The following PLEKHA1 variants were observed in gnomAD, a reference collection of about 807,000 sequenced individuals.
The protein encoded by PLEKHA1 is pleckstrin homology domain-containing family A member 1.
Under a neutral mutation model 52.0 loss-of-function variants are expected in PLEKHA1, and 34 were observed. The ratio of observed to expected loss-of-function variants is 0.65; its 90% confidence interval spans 0.50 to 0.87. The LOEUF is 0.87. Among genes scored for constraint, PLEKHA1 ranks in the 40% least tolerant of loss-of-function variants. PLEKHA1 has a pLI of 0.00. For synonymous variants in PLEKHA1, 163 were observed against 170.7 expected, an observed-to-expected ratio of 0.95 and a Z score of 0.35; for missense variants, 497 against 504.2, an observed-to-expected ratio of 0.99 and a Z score of 0.14.
At chr10:122,378,409 G>A (rs1419847861) in intron 1 of PLEKHA1, among the ~76,000 whole-genome samples, 5 of 147,412 alleles carry the variant, frequency 3.4e-5, no homozygotes, top group African/African-American at 7.6e-5. Flanking sequence ...AACATCATGG[G>A]TAAATGATAG....
chr10:122,389,705 CA>C (rs1040810622), intron 1 of PLEKHA1, among the ~76,000 whole-genome samples: 6 of 149,968 alleles, frequency 4.0e-5, no homozygotes, highest in South Asian at 2.1e-4. Context: ...GACTCCATCT[CA>C]AAAAAAAAAT....
At chr10:122,398,396 T>C (rs916419936) in intron 3 of PLEKHA1, among the ~76,000 whole-genome samples, 1 of 152,154 alleles carries the variant, frequency 6.6e-6, no homozygotes, top group East Asian at 1.9e-4. Flanking sequence ...ATTTTCATGT[T>C]GAAAGGATGA....
intron 5 of PLEKHA1, among the ~76,000 whole-genome samples, chr10:122,409,426 TTATAGTGGAAATATA>T (rs139760870): frequency 0.034 from 5,194 of 152,276 alleles, 116 homozygotes; most frequent in Non-Finnish European, 0.054. Context: ...CACTGTTCAT[TTATAGTGGAAATATA>T]TATAGTGGAA....
chr10:122,378,755 A>C (rs1320405432), intron 1 of PLEKHA1, among the ~76,000 whole-genome samples: 3 of 148,906 alleles, frequency 2.0e-5, no homozygotes, highest in Non-Finnish European at 4.5e-5. Context: ...AAAAAAAAAA[A>C]CAGAAAAACA....
intron 8 of PLEKHA1, chr10:122,420,706 T>C (rs1327460613): frequency 6.6e-6 from 1 of 152,240 alleles, no homozygotes; most frequent in Non-Finnish European, 1.5e-5. Flanking sequence ...CTTTGCTCTC[T>C]TTTCCTTCCA....
rs1426146546 is a variant in PLEKHA1 at position 122,431,623 on chromosome 10, G to A, written c.*1685G>A. On this transcript the variant is annotated 3_prime_UTR_variant, in exon 12 of 12. Transcript: ENST00000368990. ...AAAAATTTCCTACTACAGCAGTGCA[G>A]TCCAGAGGTTAAGATGTATTAGAAT... 1 of 152,568 alleles carries A rather than the reference G, an allele frequency of 6.6e-6. No individual in the cohort carries two copies. The highest frequency in any genetic ancestry group is 1.5e-5 in the Non-Finnish European group (1 of 68,032). 9.5% of individuals were successfully genotyped at this position (152,568 alleles called of 1,614,324 possible).
chr10:122,384,401 G>T (rs893546862), intron 1 of PLEKHA1, among the ~76,000 whole-genome samples: 1 of 151,942 alleles, frequency 6.6e-6, no homozygotes, highest in African/African-American at 2.4e-5. Context: ...GTGGTCAGGA[G>T]ATTGAGACCA....
chr10:122,416,762 G>C (rs1048516146), intron 7 of PLEKHA1, among the ~76,000 whole-genome samples: 13 of 152,128 alleles, frequency 8.5e-5, no homozygotes, highest in Admixed American at 7.2e-4. Context: ...TAACTTTAAA[G>C]TTTGAAAATG....
At chr10:122,382,926 A>G (rs1417425213) in intron 1 of PLEKHA1, among the ~76,000 whole-genome samples, 1 of 152,212 alleles carries the variant, frequency 6.6e-6, no homozygotes, top group East Asian at 1.9e-4. Flanking sequence ...GGATAAAAGC[A>G]TATATGATTT....
chr10:122,375,637 T>C (rs1431113486), intron 1 of PLEKHA1, among the ~76,000 whole-genome samples: 1 of 152,182 alleles, frequency 6.6e-6, no homozygotes, highest in Non-Finnish European at 1.5e-5. Flanking sequence ...CTGTTGCTTA[T>C]AGTGTTTACC....
chr10:122,423,052 AGT>A (rs1590888528), intron 8 of PLEKHA1: 1 of 152,076 alleles, frequency 6.6e-6, no homozygotes, highest in African/African-American at 2.4e-5. Context: ...TCTCTTATTA[AGT>A]GTGAAATTAT....
At chr10:122,417,319 A>G (rs1289800068) in intron 7 of PLEKHA1, among the ~76,000 whole-genome samples, 2 of 151,462 alleles carry the variant, frequency 1.3e-5, no homozygotes. Flanking sequence ...GAGGAAGGGG[A>G]AGTGCTTTTA....
intron 5 of PLEKHA1, among the ~76,000 whole-genome samples, chr10:122,408,216 A>G (rs1187702877): frequency 6.6e-6 from 1 of 152,228 alleles, no homozygotes; most frequent in Non-Finnish European, 1.5e-5. Context: ...ATTTGCAATA[A>G]CAAGCAGCAC....
At chr10:122,418,089 AAT>A in intron 8 of PLEKHA1, 121 bp downstream of exon 8, 1 of 649,858 alleles carries the variant, frequency 1.5e-6, no homozygotes, top group Non-Finnish European at 2.5e-6. Context: ...TTTAGAGGTA[AAT>A]ATAGTTTATT....
rs1002845198 is a variant in PLEKHA1 at position 122,374,750 on chromosome 10, C to T, written c.-77C>T. 4 of 151,818 alleles carry T rather than the reference C, an allele frequency of 2.6e-5. No homozygotes were observed. Among genetic ancestry groups the T allele is most frequent in the Admixed American group, 2.0e-4 (3 of 15,216 alleles). 9.4% of individuals were successfully genotyped at this position (151,818 alleles called of 1,614,324 possible). A position where few individuals can be genotyped will look rare whatever the true frequency, so the allele number is the denominator to read the frequency against. On this transcript the variant is annotated 5_prime_UTR_variant, in exon 1 of 12. Transcript: ENST00000368990. ...CGTCGCGGACGCCGCTCCGGGCAGC[C>T]GAGCCTCTGTGGGAGCCGGGGCCGC...
At chr10:122,414,158 T>G (rs1392402108) in intron 6 of PLEKHA1, among the ~76,000 whole-genome samples, 1 of 152,134 alleles carries the variant, frequency 6.6e-6, no homozygotes, top group Non-Finnish European at 1.5e-5. Flanking sequence ...ACCTTCTGGT[T>G]ACTATGTACC....
rs2097409422 is a variant in PLEKHA1 at position 122,430,759 on chromosome 10, A to G, written c.*821A>G. The G allele has an allele frequency of 6.6e-6, 1 of 152,216 alleles. No homozygotes were observed. Among genetic ancestry groups the G allele is most frequent in the Admixed American group, 6.5e-5 (1 of 15,284 alleles). 9.4% of individuals were successfully genotyped at this position (152,216 alleles called of 1,614,324 possible). A position where few individuals can be genotyped will look rare whatever the true frequency, so the allele number is the denominator to read the frequency against. On this transcript the variant is annotated 3_prime_UTR_variant, in exon 12 of 12. Transcript: ENST00000368990. ...TGAAAGACCTCAAGTTTATATGTAA[A>G]GACATAACTGCCCTTAGTCATGAAA...
rs930157665 is a variant in PLEKHA1 at position 122,431,660 on chromosome 10, A to C, written c.*1722A>C. ...AGATGTATTAGAATTATACAATATC[A>C]GTTTAAAAATCTGTATGCATAAAGA... is the stretch of plus-strand genomic sequence containing the variant. On this transcript the variant is annotated 3_prime_UTR_variant, in exon 12 of 12. Coordinates refer to ENST00000368990, the MANE Select transcript of PLEKHA1 (RefSeq NM_001001974.4). 1 of 152,642 alleles carries C rather than the reference A, an allele frequency of 6.6e-6. No homozygotes were observed. Among genetic ancestry groups the C allele is most frequent in the African/African-American group, 2.4e-5 (1 of 41,456 alleles). 9.5% of individuals were successfully genotyped at this position (152,642 alleles called of 1,614,324 possible). A position where few individuals can be genotyped will look rare whatever the true frequency, so the allele number is the denominator to read the frequency against.
At chr10:122,402,003 G>A (rs2096936424) in intron 4 of PLEKHA1, among the ~76,000 whole-genome samples, 1 of 152,114 alleles carries the variant, frequency 6.6e-6, no homozygotes, top group South Asian at 2.1e-4. Context: ...AAAGTTACAT[G>A]TTTATTACTA....
Sources: allele counts gnomAD v4.1 joint callset (sites outside exome capture counted in the v4.1 genomes callset), GRCh38; gene constraint gnomAD v4.1.1; transcripts MANE v1.5; gene names NCBI Gene and HGNC (gene_info 2026-07-23, HGNC 2026-07-21).